LRRC74B: variants seen among roughly 807,000 people sequenced by gnomAD.
The protein encoded by LRRC74B is leucine rich repeat containing 74B, also known as leucine-rich repeat-containing protein 74B.
LRRC74B carries 30 observed loss-of-function variants against 16.6 expected under a neutral mutation model. That is an observed-to-expected ratio of 1.80 (90% CI 1.35 to 2.45). The LOEUF is 2.45. LRRC74B is among the 30% of genes most tolerant of loss of function. The pLI is 0.00. For missense variants in LRRC74B, 326 were observed against 202.4 expected (o/e 1.61, Z -3.71); for synonymous variants, 134 against 86.0 (o/e 1.56, Z -3.09).
chr22:21,049,696 C>T (rs1929828198), intron 4 of LRRC74B, among the ~76,000 whole-genome samples: 1 of 151,748 alleles, frequency 6.6e-6, no homozygotes, highest in Non-Finnish European at 1.5e-5. Flanking sequence ...GGCTAGGGAG[C>T]CAGGGAAGCG....
chr22:21,052,347 A>G (rs1384645940), exon 5 of LRRC74B: 1 of 717,410 alleles, frequency 1.4e-6, no homozygotes. Flanking sequence ...GGCATTTGCC[A>G]GGGGACTGGA....
At chr22:21,055,124 C>T (rs1411608659) in exon 7 of LRRC74B, 1 of 717,328 alleles carries the variant, frequency 1.4e-6, no homozygotes, top group Non-Finnish European at 2.6e-6. Flanking sequence ...GCGATGGGAG[C>T]CCTGAGCCTG....
At chr22:21,047,567 G>A in intron 2 of LRRC74B, 69 bp downstream of exon 2, 1 of 694,126 alleles carries the variant, frequency 1.4e-6, no homozygotes, top group Non-Finnish European at 2.7e-6. Context: ...CCATGGGAGT[G>A]CCCCTGTGTC....
At chr22:21,046,057 G>A (rs1431462833) in exon 1 of LRRC74B, 17 of 717,470 alleles carry the variant, frequency 2.4e-5, no homozygotes, top group East Asian at 8.0e-5. Flanking sequence ...GCCTGTGGGC[G>A]TCTTTCAGGG....
chr22:21,059,698 GA>G (rs1453411366), intron 8 of LRRC74B, among the ~76,000 whole-genome samples: 1 of 152,168 alleles, frequency 6.6e-6, no homozygotes, highest in Non-Finnish European at 1.5e-5. Flanking sequence ...AGCTTTGAGG[GA>G]AATAGTTTTG....
exon 4 of LRRC74B, chr22:21,048,963 C>T (rs199701252): frequency 1.4e-4 from 103 of 715,966 alleles, no homozygotes; most frequent in African/African-American, 3.5e-4. Flanking sequence ...GTGGACCTGT[C>T]GGAGAACCAG....
intron 6 of LRRC74B, among the ~76,000 whole-genome samples, chr22:21,054,755 A>G (rs1601818740): frequency 6.6e-6 from 1 of 152,226 alleles, no homozygotes; most frequent in Non-Finnish European, 1.5e-5. Context: ...GGCCTTGAAC[A>G]TAAGCTAGGT....
chr22:21,059,840 A>G (rs1221815253), intron 8 of LRRC74B, among the ~76,000 whole-genome samples: 2 of 152,026 alleles, frequency 1.3e-5, no homozygotes, highest in African/African-American at 4.8e-5. Flanking sequence ...AAGGCCTTGC[A>G]CAGAGAAGGA....
intron 3 of LRRC74B, 177 bp downstream of exon 3, chr22:21,048,193 A>C (rs1929653817): frequency 5.0e-6 from 3 of 600,656 alleles, no homozygotes; most frequent in Non-Finnish European, 9.0e-6. Flanking sequence ...TCTGCTGTGC[A>C]GCCGATGCCT....
At chr22:21,060,483 G>A (rs1193090373) in exon 9 of LRRC74B, 3 of 716,388 alleles carry the variant, frequency 4.2e-6, no homozygotes, top group Non-Finnish European at 7.8e-6. Flanking sequence ...AAAAGGAGTT[G>A]CTGCCAGTCT....
intron 5 of LRRC74B, among the ~76,000 whole-genome samples, chr22:21,053,125 C>T (rs902451378): frequency 6.6e-6 from 1 of 152,184 alleles, no homozygotes; most frequent in African/African-American, 2.4e-5. Flanking sequence ...TTCACGTCTA[C>T]ACCGGTCCTT....
intron 3 of LRRC74B, 83 bp downstream of exon 3, chr22:21,048,099 T>TGAC: frequency 1.4e-6 from 1 of 704,468 alleles, no homozygotes; most frequent in South Asian, 1.5e-5. Context: ...AGCTGGGCCG[T>TGAC]GTCACCTGGG....
At chr22:21,054,683 G>A (rs1489598674) in intron 6 of LRRC74B, among the ~76,000 whole-genome samples, 3 of 152,226 alleles carry the variant, frequency 2.0e-5, no homozygotes, top group Admixed American at 1.3e-4. Context: ...GACTGACTCC[G>A]GAGACAAAGT....
chr22:21,061,697 C>T (rs917065918), downstream of LRRC74B: 6 of 152,152 alleles, frequency 3.9e-5, no homozygotes, highest in East Asian at 1.9e-4. Context: ...ATAGAATTAC[C>T]GTATAACCCA....
At chr22:21,054,179 G>T (rs143587845) in intron 6 of LRRC74B, among the ~76,000 whole-genome samples, 2,838 of 152,272 alleles carry the variant, frequency 0.019, 96 homozygotes, top group South Asian at 0.13. Context: ...TCTAAAAATT[G>T]TCCATTTCCG....
intron 4 of LRRC74B, among the ~76,000 whole-genome samples, chr22:21,050,304 C>G (rs1044787672): frequency 6.6e-6 from 1 of 151,130 alleles, no homozygotes; most frequent in Non-Finnish European, 1.5e-5. Flanking sequence ...CAAAGTGCTG[C>G]GATTACAGGT....
chr22:21,046,113 C>T (rs1392661212), exon 1 of LRRC74B: 2 of 717,126 alleles, frequency 2.8e-6, no homozygotes, highest in East Asian at 5.4e-5. Flanking sequence ...GGACTCCGAC[C>T]TGGAGACGGA....
At chr22:21,054,696 T>C (rs1266801860) in intron 6 of LRRC74B, among the ~76,000 whole-genome samples, 3 of 152,126 alleles carry the variant, frequency 2.0e-5, no homozygotes, top group Non-Finnish European at 4.4e-5. Context: ...GACAAAGTGG[T>C]CCAGGGCGGT....
Position 21,047,336 on chromosome 22 carries a change from G to A in LRRC74B, c.140-20G>A, listed in dbSNP as rs906526976. 26 of 715,912 alleles carry A rather than the reference G, an allele frequency of 3.6e-5. No individual in the cohort carries two copies. In the African/African-American group the frequency reaches 3.8e-4, roughly 11 times the overall value. 44.3% of individuals were successfully genotyped at this position (715,912 alleles called of 1,614,324 possible). Reference sequence around the variant, plus strand: ...CTGTAGCTGTGCAGGGTCCACATTCGTCCCCCTGTCTCCTGCCAGGCACCG... The same window carrying A: ...CTGTAGCTGTGCAGGGTCCACATTCATCCCCCTGTCTCCTGCCAGGCACCG... On this transcript the variant is annotated intron_variant, in intron 1 of 8. Coordinates refer to ENST00000442047, the Ensembl canonical transcript of LRRC74B.
Sources: gnomAD v4.1 joint callset for allele counts (sites outside exome capture counted in the v4.1 genomes callset) on GRCh38, gnomAD v4.1.1 for gene constraint, MANE v1.5 for transcripts, NCBI Gene and HGNC (gene_info 2026-07-23, HGNC 2026-07-21) for gene names.